COA1: variants seen among roughly 807,000 people sequenced by gnomAD.
COA1 encodes cytochrome c oxidase assembly factor 1 homolog.
Under a neutral mutation model 16.0 loss-of-function variants are expected in COA1, and 13 were observed. That is an observed-to-expected ratio of 0.81 (90% CI 0.53 to 1.29). The LOEUF (loss-of-function observed/expected upper bound fraction) is 1.29, where lower values mean the gene tolerates loss of function less well. COA1 is among the 50% of genes most tolerant of loss of function. The pLI, the probability that COA1 is intolerant of heterozygous loss-of-function variation, is 0.00. For synonymous variants in COA1, 65 were observed against 65.7 expected (o/e 0.99, Z 0.05); for missense variants, 179 against 177.0 (o/e 1.01, Z -0.06).
intron 1 of COA1, among the ~76,000 whole-genome samples, chr7:43,691,373 GAGGGAGGAAGGA>G (rs1244732338): frequency 8.6e-4 from 16 of 18,630 alleles, no homozygotes; most frequent in African/African-American, 2.5e-3. Flanking sequence ...GGGAGGGAGG[GAGGGAGGAAGGA>G]AGGAAGGAAG....
intron 1 of COA1, among the ~76,000 whole-genome samples, chr7:43,671,885 G>A (rs1050405837): frequency 3.3e-5 from 5 of 152,104 alleles, no homozygotes; most frequent in Non-Finnish European, 7.4e-5. Flanking sequence ...GTGAAGAAGT[G>A]CCTTCTGCCA....
downstream of COA1, among the ~76,000 whole-genome samples, chr7:43,638,590 T>TC (rs1563204245): frequency 4.7e-5 from 5 of 107,464 alleles, no homozygotes; most frequent in Non-Finnish European, 7.2e-5. Context: ...TTTTTTTTTT[T>TC]CTGAGACAGA....
At chr7:43,622,032 G>A (rs772850949) in intron 6 of COA1, among the ~76,000 whole-genome samples, 6 of 152,072 alleles carry the variant, frequency 3.9e-5, no homozygotes, top group Admixed American at 6.6e-5. Context: ...TAATAGTACC[G>A]ACCTCATAGG....
intron 6 of COA1, among the ~76,000 whole-genome samples, chr7:43,620,220 G>A (rs1283215749): frequency 6.6e-6 from 1 of 152,166 alleles, no homozygotes; most frequent in African/African-American, 2.4e-5. Flanking sequence ...GCTGAATGAT[G>A]ATACTCCATG....
chr7:43,670,292 T>C (rs550952248), intron 1 of COA1, among the ~76,000 whole-genome samples: 1 of 151,854 alleles, frequency 6.6e-6, no homozygotes, highest in Non-Finnish European at 1.5e-5. Flanking sequence ...CTACTAAAAA[T>C]ACAGAAAAAA....
At chr7:43,688,422 A>C (rs2094132981) in intron 1 of COA1, among the ~76,000 whole-genome samples, 1 of 152,168 alleles carries the variant, frequency 6.6e-6, no homozygotes, top group Non-Finnish European at 1.5e-5. Context: ...GTTAAGTATT[A>C]TGTACCCTCA....
intron 1 of COA1, among the ~76,000 whole-genome samples, chr7:43,722,292 G>A (rs1422206726): frequency 1.3e-5 from 2 of 151,800 alleles, no homozygotes; most frequent in South Asian, 2.1e-4. Context: ...ATGGGGTTTC[G>A]CCACTTTGCC....
intron 1 of COA1, among the ~76,000 whole-genome samples, chr7:43,699,566 CA>C (rs2094638956): frequency 6.6e-6 from 1 of 152,062 alleles, no homozygotes; most frequent in Admixed American, 6.6e-5. Flanking sequence ...ACACAGACAG[CA>C]AAACTGTCAC....
chr7:43,693,906 T>G (rs2094450502), intron 1 of COA1, among the ~76,000 whole-genome samples: 1 of 152,038 alleles, frequency 6.6e-6, no homozygotes, highest in Non-Finnish European at 1.5e-5. Flanking sequence ...TACAGCCTTG[T>G]AATCACACAC....
chr7:43,669,118 C>T (rs769628683), intron 1 of COA1, among the ~76,000 whole-genome samples: 1 of 151,768 alleles, frequency 6.6e-6, no homozygotes, highest in Admixed American at 6.5e-5. Flanking sequence ...GCTGCTGTTC[C>T]CCATTCGATG....
intron 1 of COA1, among the ~76,000 whole-genome samples, chr7:43,689,112 C>T (rs1437949701): frequency 1.3e-5 from 2 of 152,176 alleles, no homozygotes; most frequent in Non-Finnish European, 2.9e-5. Flanking sequence ...ATTCACACAA[C>T]CATCACCTTT....
At chr7:43,682,446 T>A (rs1298827104) in intron 1 of COA1, among the ~76,000 whole-genome samples, 1 of 152,232 alleles carries the variant, frequency 6.6e-6, no homozygotes, top group Non-Finnish European at 1.5e-5. Context: ...GATATTGATC[T>A]CTGTTTGAAC....
intron 4 of COA1, among the ~76,000 whole-genome samples, chr7:43,644,715 TAGATAGATAGATAGATAGATA>T (rs778143668): frequency 1.9e-3 from 154 of 83,030 alleles, no homozygotes; most frequent in East Asian, 3.9e-3. Flanking sequence ...ATAGATTAGA[TAGATAGATAGATAGATAGATA>T]GATAGATAGA....
chr7:43,691,336 A>AGG (rs2094312426), intron 1 of COA1, among the ~76,000 whole-genome samples: 3 of 37,422 alleles, frequency 8.0e-5, no homozygotes, highest in Non-Finnish European at 1.5e-4. Flanking sequence ...AAAGAGAAAG[A>AGG]GAGAGAGGGA....
At chr7:43,723,932 A>C (rs1254658566) in intron 1 of COA1, among the ~76,000 whole-genome samples, 3 of 152,162 alleles carry the variant, frequency 2.0e-5, no homozygotes, top group Non-Finnish European at 4.4e-5. Context: ...GTCTCAAAAA[A>C]CAAAAACCAA....
intron 1 of COA1, among the ~76,000 whole-genome samples, chr7:43,705,196 C>T (rs1330574275): frequency 2.0e-5 from 3 of 152,118 alleles, no homozygotes; most frequent in African/African-American, 2.4e-5. Context: ...GAGATGTTCC[C>T]GGTCCACTGG....
intron 1 of COA1, among the ~76,000 whole-genome samples, chr7:43,661,602 A>G (rs528137312): frequency 6.7e-6 from 1 of 149,750 alleles, no homozygotes; most frequent in African/African-American, 2.5e-5. Flanking sequence ...GCGCCACCGC[A>G]CTCCAGCCTG....
At chr7:43,672,832 G>A (rs1017030161) in intron 1 of COA1, among the ~76,000 whole-genome samples, 1 of 150,740 alleles carries the variant, frequency 6.6e-6, no homozygotes, top group Non-Finnish European at 1.5e-5. Flanking sequence ...TATACCAATG[G>A]AACAGAACAG....
chr7:43,711,854 G>T (rs900048227), intron 1 of COA1, among the ~76,000 whole-genome samples: 2 of 152,164 alleles, frequency 1.3e-5, no homozygotes, highest in Non-Finnish European at 2.9e-5. Context: ...CATCTATGCA[G>T]TTCACTGCTG....
Sources: allele counts gnomAD v4.1 joint callset (sites outside exome capture counted in the v4.1 genomes callset), GRCh38; gene constraint gnomAD v4.1.1; transcripts MANE v1.5; gene names NCBI Gene and HGNC (gene_info 2026-07-23, HGNC 2026-07-21).